The following GPR137B variants were observed in gnomAD, a reference collection of about 807,000 sequenced individuals.
GPR137B encodes the protein integral membrane protein GPR137B.
In GPR137B, 42 loss-of-function variants were observed where a neutral mutation model predicts 42.5. The ratio of observed to expected loss-of-function variants is 0.99; its 90% CI spans 0.77 to 1.28. The LOEUF (loss-of-function observed/expected upper bound fraction) is 1.28, where lower values mean the gene tolerates loss of function less well. GPR137B is among the 50% of genes most tolerant of loss of function. GPR137B has a pLI of 0.00. For missense variants in GPR137B, 487 were observed against 493.9 expected, an observed-to-expected ratio of 0.99 and a Z score of 0.13; for synonymous variants, 218 against 209.7, an observed-to-expected ratio of 1.04 and a Z score of -0.34.
intron 2 of GPR137B, among the ~76,000 whole-genome samples, chr1:236,170,730 C>G (rs1395877787): frequency 6.6e-6 from 1 of 152,022 alleles, no homozygotes; most frequent in East Asian, 1.9e-4. Flanking sequence ...AATCCCAGAA[C>G]TTTGGGAGGC....
intron 5 of GPR137B, among the ~76,000 whole-genome samples, chr1:236,190,431 G>A (rs190524840): frequency 3.3e-5 from 5 of 152,084 alleles, no homozygotes; most frequent in Admixed American, 6.6e-5. Context: ...TAGTGTTGAC[G>A]GGCTTTACAA....
chr1:236,181,985 C>G (rs199513308), intron 4 of GPR137B, among the ~76,000 whole-genome samples: 3 of 150,472 alleles, frequency 2.0e-5, no homozygotes, highest in Non-Finnish European at 4.4e-5. Context: ...CTCCGCCTCC[C>G]GGGTTCAAGC....
At chr1:236,183,661 T>C (rs915004904) in intron 4 of GPR137B, 117 bp from the exon 5 acceptor site, 12 of 642,064 alleles carry the variant, frequency 1.9e-5, no homozygotes, top group African/African-American at 1.8e-4. Flanking sequence ...TTCTAAAATA[T>C]AGGGGAATGA....
At position 236,178,619 on chromosome 1, in the gene GPR137B, A is replaced by G. The variant is rs747215426; in HGVS notation, c.670A>G (p.Ile224Val). ...YKISKMSLAN[I>V]YLESKGSSVC... Reference sequence around the variant, plus strand: ...AATCTCTAAGATGTCCTTAGCCAACATTTACTTGGAGTCCAAGGTAGGTGG... The same window carrying G: ...AATCTCTAAGATGTCCTTAGCCAACGTTTACTTGGAGTCCAAGGTAGGTGG... Residue 224 changes from isoleucine (I) to valine (V), a missense_variant, in exon 3 of 7, where the codon ATT becomes GTT. Ile to Val is a conservative substitution (Grantham distance 29). Transcript: ENST00000366592. 2 of 1,605,196 alleles carry G rather than the reference A, an allele frequency of 1.2e-6. No homozygotes were observed. The highest frequency in any genetic ancestry group is 2.2e-5 in the East Asian group (1 of 44,832).
intron 1 of GPR137B, among the ~76,000 whole-genome samples, chr1:236,144,917 G>C (rs375492932): frequency 6.6e-6 from 1 of 152,208 alleles, no homozygotes; most frequent in South Asian, 2.1e-4. Context: ...ATTAGGGGCC[G>C]GGCTGCACAT....
chr1:236,160,502 C>T (rs1400349542), intron 1 of GPR137B, among the ~76,000 whole-genome samples: 1 of 152,168 alleles, frequency 6.6e-6, no homozygotes, highest in Non-Finnish European at 1.5e-5. Flanking sequence ...TGCCTCCTGC[C>T]TCTCCCTGTC....
At chr1:236,168,904 A>C (rs1662441707) in intron 2 of GPR137B, 149 bp downstream of exon 2, 1 of 678,132 alleles carries the variant, frequency 1.5e-6, no homozygotes, top group Admixed American at 2.2e-5. Flanking sequence ...CATTGTGCAC[A>C]TCATGTGCAT....
At chr1:236,185,625 A>C (rs1662997504) in intron 5 of GPR137B, among the ~76,000 whole-genome samples, 1 of 152,172 alleles carries the variant, frequency 6.6e-6, no homozygotes, top group Non-Finnish European at 1.5e-5. Context: ...GCACGATCAC[A>C]GCTCACCTCA....
At chr1:236,151,418 A>ATTTTT (rs60574023) in intron 1 of GPR137B, among the ~76,000 whole-genome samples, 12 of 72,384 alleles carry the variant, frequency 1.7e-4, no homozygotes, top group Non-Finnish European at 2.5e-4. Flanking sequence ...TTGCATATTC[A>ATTTTT]TTTTTTTTTT....
chr1:236,186,086 T>C (rs1470697682), intron 5 of GPR137B, among the ~76,000 whole-genome samples: 1 of 149,900 alleles, frequency 6.7e-6, no homozygotes, highest in Non-Finnish European at 1.5e-5. Context: ...TTCGTCTACG[T>C]TGTAACATAT....
chr1:236,156,216 A>G lies in GPR137B; in HGVS notation c.415-12490A>G, dbSNP rs923597430. Among the ~76,000 whole-genome samples, 4 of 152,196 alleles carry G rather than the reference A, an allele frequency of 2.6e-5. No individual in the cohort carries two copies. The highest frequency in any genetic ancestry group is 9.6e-5 in the African/African-American group (4 of 41,460). On this transcript the variant is annotated intron_variant, in intron 1 of 6. Coordinates refer to ENST00000366592, the MANE Select transcript of GPR137B (RefSeq NM_003272.4). The surrounding 1 kb of genome is among the most constrained non-coding windows in gnomAD (Gnocchi z 4.8). Reference sequence around the variant, plus strand: ...TTCCAAGGGCCAGCACGAGGCCAGGAGCAGGCAGGACCAGCTTCTTGGGCC... The same window carrying G: ...TTCCAAGGGCCAGCACGAGGCCAGGGGCAGGCAGGACCAGCTTCTTGGGCC...
At chr1:236,165,665 G>T (rs1050728077) in intron 1 of GPR137B, among the ~76,000 whole-genome samples, 1 of 152,104 alleles carries the variant, frequency 6.6e-6, no homozygotes, top group Admixed American at 6.6e-5. Flanking sequence ...TCTATTCCCG[G>T]GAACACTCAT....
chr1:236,193,940 C>T (rs1422564310), intron 5 of GPR137B, among the ~76,000 whole-genome samples: 5 of 152,156 alleles, frequency 3.3e-5, no homozygotes, highest in Non-Finnish European at 5.9e-5. Context: ...TTTGCCACAT[C>T]GTATACTGAT....
At chr1:236,169,165 G>A (rs1194987345) in intron 2 of GPR137B, among the ~76,000 whole-genome samples, 1 of 151,620 alleles carries the variant, frequency 6.6e-6, no homozygotes, top group African/African-American at 2.4e-5. Context: ...CACCTCCCAT[G>A]CTCCCACTGC....
Position 236,142,563 on chromosome 1 carries a change from C to T in GPR137B, c.-60C>T. On this transcript the variant is annotated 5_prime_UTR_variant, in exon 1 of 7. Transcript: ENST00000366592. ...TGTTTTCTTTCCTCCAGTCTCGGGGCTGCAGGCTGAGCGCGATGCGCGGAG... is the reference window on the plus strand; with the variant it reads ...TGTTTTCTTTCCTCCAGTCTCGGGGTTGCAGGCTGAGCGCGATGCGCGGAG... The T allele has an allele frequency of 1.1e-6, 1 of 942,896 alleles. No individual in the cohort carries two copies. The highest frequency in any genetic ancestry group is 3.3e-5 in the South Asian group (1 of 29,984). The allele number at this position is 942,896 out of a possible 1,614,324, so 58.4% of individuals were successfully genotyped here.
In GPR137B at chr1:236,208,090, A is replaced by C; in HGVS notation, c.1132A>C (p.Ser378Arg). Reference sequence around the variant, plus strand: ...CTATGATTGGGGACAACAAACTAACAGCTTCCTGGCACAAGCAGGAACTTT... The same window carrying C: ...CTATGATTGGGGACAACAAACTAACCGCTTCCTGGCACAAGCAGGAACTTT... The part of the protein sequence containing the change: ...DYYDWGQQTN[S>R]FLAQAGTLQD... The change falls in exon 7 of 7, where the codon AGC becomes CGC. Residue 378 changes from serine (S) to arginine (R), a missense_variant. Transcript: ENST00000366592. 6.2e-7 allele frequency: 1 copy of C among 1,613,548 alleles called. No individual in the cohort carries two copies. Among genetic ancestry groups the C allele is most frequent in the East Asian group, 2.2e-5 (1 of 44,860 alleles).
In GPR137B at chr1:236,183,881, G is replaced by A. The variant is rs762913273; in HGVS notation, c.941G>A (p.Arg314Gln). ...LPTTLVVYFF[R>Q]VRNPTKDLTN... ...ACCACCTTAGTCGTTTATTTCTTCC[G>A]AGTTAGAAATCCTACAAAGGACCTT... The change falls in exon 5 of 7, where the codon CGA becomes CAA. Residue 314 changes from arginine (R) to glutamine (Q), a missense_variant. Coordinates refer to ENST00000366592, the MANE Select transcript of GPR137B (RefSeq NM_003272.4). 13 of 1,608,766 alleles carry A rather than the reference G, an allele frequency of 8.1e-6. No individual in the cohort carries two copies. The highest frequency in any genetic ancestry group is 5.3e-5 in the African/African-American group (4 of 74,898).
chr1:236,144,829 G>A (rs1294665883), intron 1 of GPR137B, among the ~76,000 whole-genome samples: 4 of 152,268 alleles, frequency 2.6e-5, no homozygotes, highest in African/African-American at 9.6e-5. Flanking sequence ...TTTTTGGGGG[G>A]CAGTGGGGGA....
intron 1 of GPR137B, among the ~76,000 whole-genome samples, chr1:236,158,897 A>G (rs12063505): frequency 0.01 from 1,540 of 152,338 alleles, 27 homozygotes; most frequent in African/African-American, 0.036. Flanking sequence ...TTGGAAGCAT[A>G]GTGCTTTGTT....
Sources: allele counts gnomAD v4.1 joint callset (sites outside exome capture counted in the v4.1 genomes callset), GRCh38; gene constraint gnomAD v4.1.1; non-coding constraint Gnocchi (gnomAD v3.1); transcripts MANE v1.5; gene names NCBI Gene and HGNC (gene_info 2026-07-23, HGNC 2026-07-21).